Variants in AGXT observed in about 807,000 individuals in gnomAD.
AGXT encodes the protein alanine--glyoxylate aminotransferase, also known as L-alanine: glyoxylate aminotransferase 1.
In AGXT, 41 loss-of-function variants were observed where a neutral mutation model predicts 46.9. The observed-to-expected ratio is 0.88, with a 90% confidence interval of 0.68 to 1.14. The LOEUF is 1.14. AGXT is among the 50% of genes most tolerant of loss of function. The pLI is 0.00. For missense variants in AGXT, 525 were observed against 522.7 expected (o/e 1.00, Z -0.04); for synonymous variants, 244 against 227.9 (o/e 1.07, Z -0.64).
chr2:240,873,392 AC>A (rs952352127), intron 5 of AGXT: 5 of 318,842 alleles, frequency 1.6e-5, no homozygotes, highest in Admixed American at 4.3e-5. Flanking sequence ...CCTCTGCCCA[AC>A]CCCCCAGAGG....
intron 5 of AGXT, 37 bp from the exon 6 acceptor site, chr2:240,873,941 G>A (rs2059005367): frequency 3.8e-6 from 6 of 1,597,048 alleles, no homozygotes; most frequent in Non-Finnish European, 5.1e-6. Flanking sequence ...GCCCTGAGGT[G>A]GGACTCACCC....
rs549643882 is a variant in AGXT at position 240,872,037 on chromosome 2, A to G, written c.524+588A>G. Among the ~76,000 whole-genome samples, 14 of 152,362 alleles carry G rather than the reference A, an allele frequency of 9.2e-5. No individual in the cohort carries two copies. In the East Asian group the frequency reaches 2.7e-3, roughly 29 times the overall value. Reference sequence around the variant, plus strand: ...ACCGTGGCCATGAATAAAGCTCACAAACATAACCTGGCCAGCTTCAGCAAC... The same window carrying G: ...ACCGTGGCCATGAATAAAGCTCACAGACATAACCTGGCCAGCTTCAGCAAC... On this transcript the variant is annotated intron_variant, in intron 4 of 10. Coordinates refer to ENST00000307503, the MANE Select transcript of AGXT (RefSeq NM_000030.3).
At chr2:240,870,794 G>A in intron 3 of AGXT, 86 bp downstream of exon 3, 3 of 1,346,528 alleles carry the variant, frequency 2.2e-6, no homozygotes, top group Non-Finnish European at 2.1e-6. Context: ...TGGCCAGCCA[G>A]CAGGGTGGGA....
Position 240,870,699 on chromosome 2 carries a change from G to A in AGXT, c.414G>A (p.Glu138=), listed in dbSNP as rs551537424. The A allele has an allele frequency of 1.3e-6, 2 of 1,555,828 alleles. No individual in the cohort carries two copies. Among genetic ancestry groups the A allele is most frequent in the African/African-American group, 1.4e-5 (1 of 73,528 alleles). Residue 138 remains glutamate, a synonymous_variant, in exon 3 of 11, where the codon GAG becomes GAA. Coordinates refer to ENST00000307503, the MANE Select transcript of AGXT (RefSeq NM_000030.3). ...CTGGAGGCCACTACACACTGCAGGA[G>A]GTGGAGGAGGTAGGGGACCCGGGGT... ...KDPGGHYTLQ[E]VEEGLAQHKP... is the part of the protein sequence containing the mutation.
Position 240,868,852 on chromosome 2 carries a change from G to A in AGXT, c.-14G>A, listed in dbSNP as rs376396832. On this transcript the variant is annotated 5_prime_UTR_variant, in exon 1 of 11. Coordinates refer to ENST00000307503, the MANE Select transcript of AGXT (RefSeq NM_000030.3). ...GCAGCCCCAGGTTCCCGAGCGGCAG[G>A]TTGGGTGCGGACCATGGCCTCTCAC... 141 of 1,606,046 alleles carry A rather than the reference G, an allele frequency of 8.8e-5. No homozygotes were observed. Among genetic ancestry groups the A allele is most frequent in the Non-Finnish European group, 1.2e-4 (139 of 1,177,070 alleles).
At chr2:240,876,037 G>A (rs2059023093) in intron 8 of AGXT, 33 bp downstream of exon 8, 1 of 1,610,206 alleles carries the variant, frequency 6.2e-7, no homozygotes, top group African/African-American at 1.3e-5. Context: ...GAGGAGACAG[G>A]GCCACTGGCT....
chr2:240,872,944 C>T, intron 4 of AGXT, 35 bp from the exon 5 acceptor site: 3 of 1,596,356 alleles, frequency 1.9e-6, no homozygotes, highest in Non-Finnish European at 2.6e-6. Context: ...CCCTGCCTCA[C>T]CTGCTGCCCT....
chr2:240,870,773 C>A, intron 3 of AGXT, 65 bp downstream of exon 3: 1 of 1,491,818 alleles, frequency 6.7e-7, no homozygotes, highest in Non-Finnish European at 9.1e-7. Flanking sequence ...GGCTCAGGGG[C>A]TGCCTGGAAT....
At chr2:240,871,519 G>C (rs908604662) in intron 4 of AGXT, 70 bp downstream of exon 4, 18 of 1,375,070 alleles carry the variant, frequency 1.3e-5, no homozygotes, top group African/African-American at 1.2e-4. Context: ...GGTGGGCACT[G>C]GTCCCTCTGG....
Position 240,878,947 on chromosome 2 carries a change from G to A in AGXT, c.*126G>A, listed in dbSNP as rs966922303. ...GACAGGAAAGCCACTGACCCAGCCC[G>A]GGAGGCAGAACCAGGCAGCCTCCCT... On this transcript the variant is annotated 3_prime_UTR_variant, in exon 11 of 11. Transcript: ENST00000307503. 49 of 1,016,348 alleles carry A rather than the reference G, an allele frequency of 4.8e-5. No homozygotes were observed. The Admixed American group carries it at 6.0e-4, about 13-fold the overall frequency. 63.0% of individuals were successfully genotyped at this position (1,016,348 alleles called of 1,614,324 possible). A position where few individuals can be genotyped will look rare whatever the true frequency, so the allele number is the denominator to read the frequency against.
intron 6 of AGXT, among the ~76,000 whole-genome samples, chr2:240,874,717 G>C (rs1337325193): frequency 6.6e-6 from 1 of 152,232 alleles, no homozygotes; most frequent in Non-Finnish European, 1.5e-5. Flanking sequence ...CCTCCATCTG[G>C]AGTTGTAGAG....
rs753677855 is a variant in AGXT, at chr2:240,869,203, G to A, written c.199G>A (p.Val67Met). 24 of 1,538,270 alleles carry A rather than the reference G, an allele frequency of 1.6e-5. No individual in the cohort carries two copies. The highest frequency in any genetic ancestry group is 1.4e-5 in the African/African-American group (1 of 71,770). ...MDEIKEGIQYVFQTRNPLTLV... is the reference protein window; with the variant it reads ...MDEIKEGIQYMFQTRNPLTLV... ...CGAGATCAAGGAAGGCATCCAGTACGTGTTCCAGACCAGGAACCCACTCAC... is the reference window on the plus strand; with the variant it reads ...CGAGATCAAGGAAGGCATCCAGTACATGTTCCAGACCAGGAACCCACTCAC... Residue 67 changes from valine to methionine, a missense_variant, in exon 2 of 11, where the codon GTG becomes ATG. By Grantham distance (21) the Val-to-Met change is conservative. Transcript: ENST00000307503.
Position 240,870,355 on chromosome 2 carries a change from GGGA to G in AGXT, c.359-286_359-284del, listed in dbSNP as rs1426833058. Among the ~76,000 whole-genome samples the G allele has an allele frequency of 4.6e-5, 7 of 152,254 alleles. No homozygotes were observed. The East Asian group carries it at 5.8e-4, about 13-fold the overall frequency. ...CTCCCGGGAGCTCACTCTCTGCTTG[GGGA>G]GGCACTGGTCAGTGTGGCCTGAGAA... On this transcript the variant is annotated intron_variant, in intron 2 of 10. Transcript: ENST00000307503.
At chr2:240,873,598 C>T (rs2059003370) in intron 5 of AGXT, 1 of 315,530 alleles carries the variant, frequency 3.2e-6, no homozygotes, top group African/African-American at 2.2e-5. Flanking sequence ...GGGAGCCTGT[C>T]TGTTTCTGCA....
In AGXT at chr2:240,878,945, C is replaced by T. The variant is rs1286672337; in HGVS notation, c.*124C>T. 2 of 1,033,020 alleles carry T rather than the reference C, an allele frequency of 1.9e-6. No individual in the cohort carries two copies. The highest frequency in any genetic ancestry group is 2.7e-5 in the South Asian group (2 of 72,818). 64.0% of individuals were successfully genotyped at this position (1,033,020 alleles called of 1,614,324 possible). On this transcript the variant is annotated 3_prime_UTR_variant, in exon 11 of 11. Coordinates refer to ENST00000307503, the MANE Select transcript of AGXT (RefSeq NM_000030.3). ...GGGACAGGAAAGCCACTGACCCAGC[C>T]CGGGAGGCAGAACCAGGCAGCCTCC...
chr2:240,870,563 G>T (rs1575708031), intron 2 of AGXT, 81 bp from the exon 3 acceptor site: 1 of 1,512,834 alleles, frequency 6.6e-7, no homozygotes, highest in South Asian at 1.2e-5. Context: ...ACAGGGCCCT[G>T]CTCAGCAGGG....
chr2:240,876,122 G>A, intron 8 of AGXT, 118 bp downstream of exon 8: 1 of 1,239,858 alleles, frequency 8.1e-7, no homozygotes, highest in Non-Finnish European at 1.2e-6. Context: ...GCCAGAGAGA[G>A]GCCCTCAGTG....
intron 9 of AGXT, 140 bp from the exon 10 acceptor site, chr2:240,877,881 TG>T: frequency 8.3e-7 from 1 of 1,211,258 alleles, no homozygotes; most frequent in Non-Finnish European, 1.2e-6. Context: ...TCCTAAGGGG[TG>T]GGGTCCCTGC....
intron 6 of AGXT, 116 bp from the exon 7 acceptor site, chr2:240,874,993 G>A: frequency 1.2e-6 from 1 of 867,304 alleles, no homozygotes; most frequent in Non-Finnish European, 1.9e-6. Flanking sequence ...GCTGGGGCGG[G>A]CCCTCCTGGG....
Sources: gnomAD v4.1 joint callset for allele counts (sites outside exome capture counted in the v4.1 genomes callset) on GRCh38, gnomAD v4.1.1 for gene constraint, MANE v1.5 for transcripts, NCBI Gene and HGNC (gene_info 2026-07-23, HGNC 2026-07-21) for gene names.